The following SAMSN1 variants were observed in gnomAD, a reference collection of about 807,000 sequenced individuals.
The protein encoded by SAMSN1 is SAM domain-containing protein SAMSN-1.
In SAMSN1, 31 loss-of-function variants were observed where a neutral mutation model predicts 42.0. That is an observed-to-expected ratio of 0.74 (90% CI 0.55 to 1.00). The LOEUF (loss-of-function observed/expected upper bound fraction) is 1.00. Ranked by LOEUF, SAMSN1 falls within the 50% of genes least tolerant of loss-of-function variation. SAMSN1 has a pLI of 0.00. For synonymous variants in SAMSN1, 178 were observed against 151.9 expected, an observed-to-expected ratio of 1.17 and a Z score of -1.26; for missense variants, 464 against 439.4, an observed-to-expected ratio of 1.06 and a Z score of -0.50.
chr21:14,554,765 C>A (rs1980706969), intron 2 of SAMSN1, among the ~76,000 whole-genome samples: 1 of 147,842 alleles, frequency 6.8e-6, no homozygotes, highest in African/African-American at 2.5e-5. Context: ...GTGGCACAAT[C>A]ATGGCTCACT....
chr21:14,577,228 ATATATGTGTG>A lies in SAMSN1; in HGVS notation c.261+4898_261+4907del, dbSNP rs1486056363. On this transcript the variant is annotated intron_variant, in intron 2 of 8. Coordinates refer to the SAMSN1 transcript ENST00000285670. ...ATGTCACCATGGTGGGCTAATTTAT[ATATATGTGTG>A]TATATATATATATATATATATATAT... 1.9e-4 allele frequency among the ~76,000 whole-genome samples: 8 copies of A among 42,144 alleles called. 1 individual carries two copies. Among genetic ancestry groups the A allele is most frequent in the African/African-American group, 1.1e-3 (7 of 6,100 alleles). 27.6% of individuals were successfully genotyped at this position (42,144 alleles called of 152,430 possible). A position where few individuals can be genotyped will look rare whatever the true frequency, so the allele number is the denominator to read the frequency against.
chr21:14,572,488 G>A (rs1981331132), intron 2 of SAMSN1, among the ~76,000 whole-genome samples: 1 of 152,174 alleles, frequency 6.6e-6, no homozygotes, highest in African/African-American at 2.4e-5. Flanking sequence ...ACAACTTAGT[G>A]ATGGGAAAAG....
intron 3 of SAMSN1, among the ~76,000 whole-genome samples, chr21:14,516,123 G>A (rs1987905233): frequency 1.3e-5 from 2 of 152,100 alleles, no homozygotes; most frequent in South Asian, 2.1e-4. Context: ...TAGACATGGA[G>A]TTACTATATA....
chr21:14,599,258 C>T (rs1855361638), intron 6 of SAMSN1, among the ~76,000 whole-genome samples: 1 of 152,140 alleles, frequency 6.6e-6, no homozygotes, highest in South Asian at 2.1e-4. Flanking sequence ...ATGGAGGTAA[C>T]TGGATCATGG....
intron 2 of SAMSN1, among the ~76,000 whole-genome samples, chr21:14,565,908 C>T (rs1215933990): frequency 6.6e-6 from 1 of 152,154 alleles, no homozygotes; most frequent in Non-Finnish European, 1.5e-5. Flanking sequence ...AAAAGGCAAA[C>T]CAACAAACCT....
chr21:14,634,884 T>TA (rs1983427291), intron 2 of SAMSN1, among the ~76,000 whole-genome samples: 4 of 152,202 alleles, frequency 2.6e-5, no homozygotes, highest in Non-Finnish European at 5.9e-5. Flanking sequence ...CATGGACACT[T>TA]ACGTTTATTA....
At chr21:14,533,399 T>C (rs1276077153) in intron 1 of SAMSN1, among the ~76,000 whole-genome samples, 1 of 152,228 alleles carries the variant, frequency 6.6e-6, no homozygotes, top group Non-Finnish European at 1.5e-5. Context: ...GAGTTTAAGC[T>C]GTTAAAACTA....
At chr21:14,509,704 G>A (rs1987590780) in intron 5 of SAMSN1, among the ~76,000 whole-genome samples, 1 of 152,136 alleles carries the variant, frequency 6.6e-6, no homozygotes, top group South Asian at 2.1e-4. Flanking sequence ...CAGCAACTGT[G>A]AGGCTTTTGG....
rs1044254892 is a variant in SAMSN1, at chr21:14,540,726, G to A, written c.57+5479C>T. Among the ~76,000 whole-genome samples, 9 of 152,200 alleles carry A rather than the reference G, an allele frequency of 5.9e-5. No homozygotes were observed. The South Asian group carries it at 8.3e-4, about 14-fold the overall frequency. On this transcript the variant is annotated intron_variant, in intron 1 of 7. Transcript: ENST00000400566. ...CAACCATTGTGGAAGACTATGTGGC[G>A]ATTCCTCAAGGATCTAGAACTAGTA...
At chr21:14,538,031 C>G (rs1979744487) in intron 1 of SAMSN1, among the ~76,000 whole-genome samples, 1 of 152,162 alleles carries the variant, frequency 6.6e-6, no homozygotes. Context: ...TTTATGTTTG[C>G]ATTATAGTTT....
intron 2 of SAMSN1, among the ~76,000 whole-genome samples, chr21:14,567,299 GAA>G (rs10714214): frequency 1.7e-4 from 24 of 137,916 alleles, no homozygotes; most frequent in South Asian, 1.6e-3. Context: ...CGGCAAGCTT[GAA>G]AAAAAAAAAA....
At chr21:14,507,263 C>T (rs1349485306) in intron 5 of SAMSN1, among the ~76,000 whole-genome samples, 1 of 152,160 alleles carries the variant, frequency 6.6e-6, no homozygotes, top group Non-Finnish European at 1.5e-5. Flanking sequence ...TCACTGTTTT[C>T]TGATGATATG....
intron 1 of SAMSN1, among the ~76,000 whole-genome samples, chr21:14,653,079 C>G (rs1375982553): frequency 6.6e-6 from 1 of 152,034 alleles, no homozygotes; most frequent in African/African-American, 2.4e-5. Context: ...CCCTATTTCA[C>G]TGTTGGCGGG....
intron 1 of SAMSN1, among the ~76,000 whole-genome samples, chr21:14,528,740 C>T (rs1339974868): frequency 1.3e-5 from 2 of 152,154 alleles, no homozygotes; most frequent in African/African-American, 4.8e-5. Flanking sequence ...CAACAACTTT[C>T]AGATTATTTG....
rs59821984 is a variant in SAMSN1, at chr21:14,601,606, G to A, written c.399+417C>T. ...GATTAATGTTACATTACTATTATTAGTGAGGCCAAACATTCAGACTTTTTT... is the reference window on the plus strand; with the variant it reads ...GATTAATGTTACATTACTATTATTAATGAGGCCAAACATTCAGACTTTTTT... On this transcript the variant is annotated intron_variant, in intron 6 of 15. Transcript: ENST00000647101. Among the ~76,000 whole-genome samples, 1,010 of 152,256 alleles carry A rather than the reference G, an allele frequency of 6.6e-3. 8 individuals are homozygous for A. Among genetic ancestry groups the A allele is most frequent in the African/African-American group, 0.023 (968 of 41,544 alleles).
rs1009433509 is a variant in SAMSN1 at position 14,639,127 on chromosome 21, T to C, written c.156+3875A>G. On this transcript the variant is annotated intron_variant, in intron 2 of 15. Transcript: ENST00000647101. ...AGTGGAAAATTGACAATTATTTGCT[T>C]ACTTCAGTCAATATAGACAGCAAGT... 4.1e-4 allele frequency among the ~76,000 whole-genome samples: 62 copies of C among 152,366 alleles called. 2 individuals are homozygous for C. The highest frequency in any genetic ancestry group is 2.9e-3 in the Admixed American group (45 of 15,298).
In SAMSN1 at chr21:14,602,000, C is replaced by T. The variant is rs144019832; in HGVS notation, c.399+23G>A. On this transcript the variant is annotated intron_variant, in intron 6 of 15. Coordinates refer to the SAMSN1 transcript ENST00000647101. The stretch of plus-strand genomic sequence containing the variant: ...AACAAGACGATTTTCACAAAACACG[C>T]AAATGCTGATTATTCACATTACCTG... The T allele has an allele frequency of 4.2e-4, 286 of 678,970 alleles. 1 individual carries two copies. The highest frequency in any genetic ancestry group is 4.0e-3 in the African/African-American group (224 of 55,872). The allele number at this position is 678,970 out of a possible 1,614,324, so 42.1% of individuals were successfully genotyped here.
chr21:14,489,393 C>T (rs9983941), intron 7 of SAMSN1, among the ~76,000 whole-genome samples: 11 of 144,902 alleles, frequency 7.6e-5, no homozygotes, highest in Non-Finnish European at 1.5e-4. Context: ...TATGAAAACA[C>T]ACATACGCAT....
intron 2 of SAMSN1, among the ~76,000 whole-genome samples, chr21:14,579,657 TTTTTTTTG>T (rs1474019801): frequency 0.017 from 2,226 of 129,412 alleles, 64 homozygotes; most frequent in African/African-American, 0.057. Flanking sequence ...TTTTTTTTTT[TTTTTTTTG>T]GAGGCAGGGT....
Sources: gnomAD v4.1 joint callset for allele counts (sites outside exome capture counted in the v4.1 genomes callset) on GRCh38, gnomAD v4.1.1 for gene constraint, MANE v1.5 for transcripts, NCBI Gene and HGNC (gene_info 2026-07-23, HGNC 2026-07-21) for gene names.